Variants in MANBAL observed in about 807,000 individuals in gnomAD.
MANBAL encodes the protein mannosidase beta like, also known as protein MANBAL.
Under a neutral mutation model 6.4 loss-of-function variants are expected in MANBAL, and 1 was observed. The ratio of observed to expected loss-of-function variants is 0.16; its 90% confidence interval spans 0.06 to 0.74. The LOEUF (loss-of-function observed/expected upper bound fraction) is 0.74, where lower values mean the gene tolerates loss of function less well. Ranked by LOEUF, MANBAL falls within the 30% of genes least tolerant of loss-of-function variation. The pLI is 0.78. For synonymous variants in MANBAL, 47 were observed against 45.8 expected (o/e 1.03, Z -0.10); for missense variants, 100 against 107.8 (o/e 0.93, Z 0.32).
At chr20:37,307,181 G>C (rs1352573980) in intron 2 of MANBAL, among the ~76,000 whole-genome samples, 1 of 152,068 alleles carries the variant, frequency 6.6e-6, no homozygotes, top group African/African-American at 2.4e-5. Flanking sequence ...GCCCAGGCTG[G>C]TCTTGAACTC....
intron 2 of MANBAL, among the ~76,000 whole-genome samples, chr20:37,314,939 C>T (rs192270518): frequency 2.0e-5 from 3 of 152,284 alleles, no homozygotes; most frequent in Non-Finnish European, 2.9e-5. Flanking sequence ...AGCTGGAAGC[C>T]GGGGTTGGGA....
At position 37,316,534 on chromosome 20, in the gene MANBAL, T is replaced by A; in HGVS notation, c.*119T>A. The A allele has an allele frequency of 1.3e-6, 1 of 784,446 alleles. No homozygotes were observed. Among genetic ancestry groups the A allele is most frequent in the Non-Finnish European group, 2.0e-6 (1 of 495,152 alleles). 48.6% of individuals were successfully genotyped at this position (784,446 alleles called of 1,614,324 possible). ...AGGGTCTGAGGAGGCTGTGACGCCC[T>A]ATGACCGCAGAGATCTAGACAGTCG... On this transcript the variant is annotated 3_prime_UTR_variant, in exon 3 of 3. Transcript: ENST00000373606.
At chr20:37,315,344 G>A (rs910502029) in intron 2 of MANBAL, among the ~76,000 whole-genome samples, 5 of 152,280 alleles carry the variant, frequency 3.3e-5, no homozygotes, top group East Asian at 1.9e-4. Context: ...TCTGACGTCC[G>A]TCCTTTCTGG....
rs767494036 is a variant in MANBAL at position 37,300,473 on chromosome 20, C to T, written c.-56-735C>T. Among the ~76,000 whole-genome samples the T allele has an allele frequency of 1.4e-4, 21 of 152,168 alleles. 1 individual carries two copies. Among genetic ancestry groups the T allele is most frequent in the Admixed American group, 5.9e-4 (9 of 15,272 alleles). ...CACTACCTGGCATATCACATCTCGA[C>T]GTGTTCATTGTCTGCTTCCATCCTG... On this transcript the variant is annotated intron_variant, in intron 1 of 2. Coordinates refer to ENST00000373606, the MANE Select transcript of MANBAL (RefSeq NM_001003897.2).
At chr20:37,300,230 C>G (rs1259256619) in intron 1 of MANBAL, among the ~76,000 whole-genome samples, 1 of 152,210 alleles carries the variant, frequency 6.6e-6, no homozygotes, top group African/African-American at 2.4e-5. Context: ...TCCACCCTCC[C>G]TCCTGATCAC....
intron 1 of MANBAL, 124 bp from the exon 2 acceptor site, chr20:37,301,084 A>G: frequency 2.1e-6 from 1 of 471,854 alleles, no homozygotes; most frequent in South Asian, 8.6e-5. Context: ...CCGAAGTTGC[A>G]GTGATCATGC....
At chr20:37,297,804 G>A (rs986640525) in intron 1 of MANBAL, among the ~76,000 whole-genome samples, 56 of 152,002 alleles carry the variant, frequency 3.7e-4, no homozygotes, top group African/African-American at 1.3e-3. Flanking sequence ...CACCATGTCC[G>A]GCTAATTTTT....
chr20:37,293,460 T>C (rs570489889), intron 1 of MANBAL, among the ~76,000 whole-genome samples: 2 of 152,312 alleles, frequency 1.3e-5, no homozygotes, highest in Admixed American at 1.3e-4. Flanking sequence ...GAGGTGGAAC[T>C]CAGACGGTAA....
chr20:37,299,923 G>C (rs1052710832), intron 1 of MANBAL, among the ~76,000 whole-genome samples: 2 of 152,130 alleles, frequency 1.3e-5, no homozygotes, highest in African/African-American at 4.8e-5. Context: ...TTAGGAGTGG[G>C]GGCCCTGCTG....
chr20:37,306,282 G>A (rs1336156544), intron 2 of MANBAL, among the ~76,000 whole-genome samples: 1 of 152,214 alleles, frequency 6.6e-6, no homozygotes, highest in African/African-American at 2.4e-5. Context: ...TGATGGGAAA[G>A]CCTTTGAAAA....
chr20:37,297,076 T>G (rs2069014249), intron 1 of MANBAL: 1 of 152,212 alleles, frequency 6.6e-6, no homozygotes, highest in African/African-American at 2.4e-5. Context: ...ATGCACACTT[T>G]ATGAGGTGCA....
intron 2 of MANBAL, among the ~76,000 whole-genome samples, chr20:37,302,898 A>G (rs2069170336): frequency 6.6e-6 from 1 of 152,068 alleles, no homozygotes; most frequent in Non-Finnish European, 1.5e-5. Flanking sequence ...TCATGGTTCA[A>G]TAAGATGTCA....
chr20:37,308,142 GT>G (rs991348760), intron 2 of MANBAL, among the ~76,000 whole-genome samples: 10 of 152,174 alleles, frequency 6.6e-5, no homozygotes, highest in Non-Finnish European at 1.5e-4. Flanking sequence ...GCTGGTCTCA[GT>G]TCCAGCATCC....
At chr20:37,292,899 C>T (rs2068905772) in intron 1 of MANBAL, among the ~76,000 whole-genome samples, 2 of 152,224 alleles carry the variant, frequency 1.3e-5, no homozygotes, top group South Asian at 4.1e-4. Flanking sequence ...GATCTGGGCT[C>T]TAGGTATGCT....
At chr20:37,313,834 A>G (rs2069444359) in intron 2 of MANBAL, among the ~76,000 whole-genome samples, 1 of 152,228 alleles carries the variant, frequency 6.6e-6, no homozygotes, top group African/African-American at 2.4e-5. Flanking sequence ...ATTCATGGAC[A>G]GGGCCAAACC....
At chr20:37,308,091 G>A (rs962188961) in intron 2 of MANBAL, among the ~76,000 whole-genome samples, 29 of 152,096 alleles carry the variant, frequency 1.9e-4, no homozygotes, top group Non-Finnish European at 3.7e-4. Context: ...TGGCCCTGTG[G>A]TGAGATGCAG....
intron 2 of MANBAL, chr20:37,302,355 T>A: frequency 1.3e-6 from 2 of 1,550,226 alleles, no homozygotes; most frequent in Non-Finnish European, 1.7e-6. Context: ...TGCTATGTAC[T>A]CCCTACTGTG....
chr20:37,305,741 C>T (rs2069244431), intron 2 of MANBAL, among the ~76,000 whole-genome samples: 2 of 143,946 alleles, frequency 1.4e-5, no homozygotes, highest in African/African-American at 5.2e-5. Context: ...TACTGTTGAT[C>T]TAACTTTTTA....
chr20:37,300,143 T>G (rs540901384), intron 1 of MANBAL, among the ~76,000 whole-genome samples: 1 of 152,306 alleles, frequency 6.6e-6, no homozygotes, highest in Non-Finnish European at 1.5e-5. Context: ...CTCAAAACCC[T>G]TCAGTGGCTT....
Sources: allele counts gnomAD v4.1 joint callset (sites outside exome capture counted in the v4.1 genomes callset), GRCh38; gene constraint gnomAD v4.1.1; transcripts MANE v1.5; gene names NCBI Gene and HGNC (gene_info 2026-07-23, HGNC 2026-07-21).